The following OLFM2 variants were observed in gnomAD, a reference collection of about 807,000 sequenced individuals.
The protein encoded by OLFM2 is noelin-2.
In OLFM2, 20 loss-of-function variants were observed where a neutral mutation model predicts 43.9. The observed-to-expected ratio is 0.46, with a 90% CI of 0.32 to 0.66. The LOEUF is 0.66. Ranked by LOEUF, OLFM2 falls within the 30% of genes least tolerant of loss-of-function variation. The pLI, the probability that OLFM2 is intolerant of heterozygous loss-of-function variation, is 0.04. For synonymous variants in OLFM2, 268 were observed against 278.6 expected, an observed-to-expected ratio of 0.96 and a Z score of 0.38; for missense variants, 416 against 643.6, an observed-to-expected ratio of 0.65 and a Z score of 3.83.
In OLFM2 at chr19:9,857,243, G is replaced by A. The variant is rs1163390061; in HGVS notation, c.580+20C>T. On this transcript the variant is annotated intron_variant, in intron 4 of 5. Coordinates refer to ENST00000264833, the MANE Select transcript of OLFM2 (RefSeq NM_058164.4). The surrounding 1 kb of genome is among the most constrained non-coding windows in gnomAD (Gnocchi z 5.7). The stretch of plus-strand genomic sequence containing the variant: ...GTGGCAGTCAGAGATCAGGGGTCAG[G>A]GTCAAGGGCCAAGGCATACCCAGCT... 1.2e-6 allele frequency: 2 copies of A among 1,608,664 alleles called. No individual in the cohort carries two copies. The highest frequency in any genetic ancestry group is 1.3e-5 in the African/African-American group (1 of 74,810).
At chr19:9,907,147 T>C (rs992706169) in intron 1 of OLFM2, among the ~76,000 whole-genome samples, 3 of 152,232 alleles carry the variant, frequency 2.0e-5, no homozygotes, top group South Asian at 2.1e-4. Context: ...ATGCCTCTCT[T>C]TGGGGCCCTC....
intron 1 of OLFM2, among the ~76,000 whole-genome samples, chr19:9,900,989 AG>A (rs1555727282): frequency 3.3e-5 from 1 of 30,348 alleles, no homozygotes; most frequent in East Asian, 1.5e-3. Flanking sequence ...GAAGGAAGGA[AG>A]GGAGGGAGGG....
intron 1 of OLFM2, among the ~76,000 whole-genome samples, chr19:9,913,160 C>T (rs767005195): frequency 3.9e-5 from 6 of 152,170 alleles, no homozygotes; most frequent in Non-Finnish European, 7.4e-5. Context: ...CAGCCCTTGT[C>T]GCCTCCGCCC....
chr19:9,919,388 G>A (rs1477771529), intron 1 of OLFM2, among the ~76,000 whole-genome samples: 3 of 151,942 alleles, frequency 2.0e-5, no homozygotes, highest in African/African-American at 4.8e-5. Context: ...GGATGGTCTC[G>A]ATCTCCTGAC....
At position 9,936,435 on chromosome 19, in the gene OLFM2, C is replaced by T. The variant is rs2086515550; in HGVS notation, c.-69G>A. The T allele has an allele frequency of 5.5e-6, 6 of 1,089,624 alleles. No individual in the cohort carries two copies. In the Admixed American group the frequency reaches 3.2e-4, roughly 57 times the overall value. The allele number at this position is 1,089,624 out of a possible 1,614,324, so 67.5% of individuals were successfully genotyped here. A position where few individuals can be genotyped will look rare whatever the true frequency, so the allele number is the denominator to read the frequency against. On this transcript the variant is annotated 5_prime_UTR_variant, in exon 1 of 6. Coordinates refer to ENST00000264833, the MANE Select transcript of OLFM2 (RefSeq NM_058164.4). ...GGCGCCTCGGCGCGGGGACCGCCAC[C>T]AGGCGCGACCCCGCCCGCCCGGCCG...
At chr19:9,858,061 T>G (rs542004814) in intron 2 of OLFM2, 200 bp from the exon 3 acceptor site, 2 of 662,532 alleles carry the variant, frequency 3.0e-6, no homozygotes, top group East Asian at 5.6e-5. Flanking sequence ...TACTACCCAC[T>G]GGCTCCCATC....
chr19:9,902,508 G>A lies in OLFM2; in HGVS notation c.63+33796C>T, dbSNP rs904597357. On this transcript the variant is annotated intron_variant, in intron 1 of 5. Transcript: ENST00000264833. ...AGCGATTCTCCTGCCTCAGCTTCCC[G>A]AGTAGCTAGGATTACAGGAACCCAC... Among the ~76,000 whole-genome samples the A allele has an allele frequency of 9.3e-5, 14 of 151,074 alleles. No individual in the cohort carries two copies. In the South Asian group the frequency reaches 1.2e-3, roughly 13 times the overall value.
intron 1 of OLFM2, among the ~76,000 whole-genome samples, chr19:9,888,431 G>A (rs2046607485): frequency 1.0e-5 from 1 of 100,474 alleles, no homozygotes; most frequent in South Asian, 3.2e-4. Context: ...GGCTGAGGCA[G>A]GAGAATCGCT....
chr19:9,916,060 G>A (rs1377021720), intron 1 of OLFM2, among the ~76,000 whole-genome samples: 1 of 151,990 alleles, frequency 6.6e-6, no homozygotes, highest in Non-Finnish European at 1.5e-5. Flanking sequence ...AGCTACCATT[G>A]TTGTTATTAT....
intron 1 of OLFM2, among the ~76,000 whole-genome samples, chr19:9,866,535 T>C (rs192983392): frequency 2.0e-5 from 3 of 147,744 alleles, no homozygotes; most frequent in African/African-American, 7.7e-5. Flanking sequence ...GGTCTTGCTC[T>C]GTTGCCTAGG....
intron 1 of OLFM2, among the ~76,000 whole-genome samples, chr19:9,917,399 C>G (rs200972552): frequency 1.3e-5 from 2 of 150,932 alleles, no homozygotes; most frequent in Non-Finnish European, 3.0e-5. Context: ...CCCTGCCCTT[C>G]CCCCAGAAAA....
rs373130884 is a variant in OLFM2 at position 9,917,544 on chromosome 19, G to A, written c.63+18760C>T. Among the ~76,000 whole-genome samples, 18 of 152,002 alleles carry A rather than the reference G, an allele frequency of 1.2e-4. No homozygotes were observed. The South Asian group carries it at 1.2e-3, about 11-fold the overall frequency. On this transcript the variant is annotated intron_variant, in intron 1 of 5. Coordinates refer to ENST00000264833, the MANE Select transcript of OLFM2 (RefSeq NM_058164.4). ...TCTCCTGTGTCTGCTTGGGGTGGAG[G>A]GTGTTTTCTGACAGTGGCTACACCT...
At chr19:9,863,668 C>G (rs1220226309) in intron 1 of OLFM2, among the ~76,000 whole-genome samples, 1 of 151,854 alleles carries the variant, frequency 6.6e-6, no homozygotes, top group African/African-American at 2.4e-5. Context: ...ACAGATAAAC[C>G]AAGCTGTGAA....
Position 9,854,783 on chromosome 19 carries a change from G to A in OLFM2, c.768C>T (p.Asn256=). 1 of 1,611,606 alleles carries A rather than the reference G, an allele frequency of 6.2e-7. No individual in the cohort carries two copies. Among genetic ancestry groups the A allele is most frequent in the South Asian group, 1.1e-5 (1 of 90,974 alleles). ...RTLGDFIKGQ[N]FIQHLLPQPW... Reference sequence around the variant, plus strand: ...GCTGGGGCAGCAGGTGCTGGATAAAGTTCTGGCCTTTGATGAAGTCTCCCA... The same window carrying A: ...GCTGGGGCAGCAGGTGCTGGATAAAATTCTGGCCTTTGATGAAGTCTCCCA... Residue 256 remains asparagine, a synonymous_variant, in exon 6 of 6, where the codon AAC becomes AAT. Coordinates refer to ENST00000264833, the MANE Select transcript of OLFM2 (RefSeq NM_058164.4). This position sits in a 1 kb window ranked among gnomAD's most constrained non-coding sequence, Gnocchi z 9.5.
chr19:9,912,514 G>T, intron 1 of OLFM2, among the ~76,000 whole-genome samples: 1 of 152,156 alleles, frequency 6.6e-6, no homozygotes, highest in East Asian at 1.9e-4. Context: ...TGGAACAGGG[G>T]TGGGGCTACC....
chr19:9,880,052 C>T (rs2046526370), intron 1 of OLFM2, among the ~76,000 whole-genome samples: 1 of 152,164 alleles, frequency 6.6e-6, no homozygotes. Context: ...GCTGGGGTTA[C>T]AGGCATAAGC....
intron 1 of OLFM2, among the ~76,000 whole-genome samples, chr19:9,884,777 C>G (rs1243193097): frequency 1.3e-5 from 2 of 152,150 alleles, no homozygotes; most frequent in East Asian, 3.8e-4. Flanking sequence ...TGTCTGCATG[C>G]CCCATTAGGA....
rs1035417577 is a variant in OLFM2, at chr19:9,931,498, C to T, written c.63+4806G>A. Among the ~76,000 whole-genome samples the T allele has an allele frequency of 4.6e-5, 7 of 151,928 alleles. No homozygotes were observed. In the South Asian group the frequency reaches 6.2e-4, roughly 14 times the overall value. ...CAGACAAATCAAGATGTCAGGAGTT[C>T]GAGACCAGCCTGGCCAAAATGGTGA... On this transcript the variant is annotated intron_variant, in intron 1 of 5. Coordinates refer to ENST00000264833, the MANE Select transcript of OLFM2 (RefSeq NM_058164.4).
At chr19:9,904,157 TGTGTG>T (rs2046764479) in intron 1 of OLFM2, among the ~76,000 whole-genome samples, 1 of 47,626 alleles carries the variant, frequency 2.1e-5, no homozygotes, top group South Asian at 7.0e-4. Flanking sequence ...ATTGTTTGTG[TGTGTG>T]TGTGTGTGTG....
Sources: gnomAD v4.1 joint callset for allele counts (sites outside exome capture counted in the v4.1 genomes callset) on GRCh38, gnomAD v4.1.1 for gene constraint, Gnocchi (gnomAD v3.1) non-coding constraint, MANE v1.5 for transcripts, NCBI Gene and HGNC (gene_info 2026-07-23, HGNC 2026-07-21) for gene names.